NACC1: variants seen among roughly 807,000 people sequenced by gnomAD.
The protein encoded by NACC1 is nucleus accumbens-associated protein 1.
A neutral mutation model predicts 41.7 loss-of-function variants in NACC1; 6 were observed. The observed-to-expected ratio is 0.14, with a 90% confidence interval of 0.08 to 0.28. NACC1 has a LOEUF of 0.28. Among genes scored for constraint, NACC1 ranks in the 10% least tolerant of loss-of-function variants. The probability of loss-of-function intolerance (pLI) is 1.00; values close to 1 mark genes in which losing one functional copy is unlikely to be tolerated. For missense variants in NACC1, 434 were observed against 763.7 expected (o/e 0.57, Z 5.09); for synonymous variants, 338 against 330.6 (o/e 1.02, Z -0.24).
intron 1 of NACC1, among the ~76,000 whole-genome samples, chr19:13,120,525 T>C (rs1404917572): frequency 6.6e-6 from 1 of 152,198 alleles, no homozygotes; most frequent in African/African-American, 2.4e-5. Context: ...CTCCCTATAG[T>C]TCCCAGGACA....
At chr19:13,117,696 A>C (rs533005471), upstream of NACC1, 26 of 152,000 alleles carry the variant, frequency 1.7e-4, no homozygotes, top group African/African-American at 6.0e-4. Context: ...TGGGATTACA[A>C]GCGCATGCCA....
intron 1 of NACC1, among the ~76,000 whole-genome samples, chr19:13,129,522 C>T (rs1007647162): frequency 2.6e-5 from 4 of 152,210 alleles, no homozygotes; most frequent in African/African-American, 4.8e-5. Flanking sequence ...CAGCTCACCC[C>T]TGTCCACTCT....
chr19:13,127,898 G>A (rs10406576), intron 1 of NACC1, among the ~76,000 whole-genome samples: 1 of 152,094 alleles, frequency 6.6e-6, no homozygotes, highest in African/African-American at 2.4e-5. Flanking sequence ...AGAGTATGAA[G>A]AGCTATGGCT....
intron 1 of NACC1, chr19:13,131,909 G>C (rs2019638210): frequency 6.6e-6 from 1 of 152,204 alleles, no homozygotes; most frequent in African/African-American, 2.4e-5. Flanking sequence ...GCCCAGGCTA[G>C]AGTGCAATGG....
rs930007970 is a variant in NACC1, at chr19:13,137,634, TC to T, written c.1324+62del. 7.0e-7 allele frequency: 1 copy of T among 1,432,454 alleles called. No individual in the cohort carries two copies. The allele number at this position is 1,432,454 out of a possible 1,614,324, so 88.7% of individuals were successfully genotyped here. On this transcript the variant is annotated intron_variant, in intron 5 of 5. Transcript: ENST00000292431. This position sits in a 1 kb window ranked among gnomAD's most constrained non-coding sequence, Gnocchi z 6.1. ...CCGGGGCACGCAGGTTGACGTTTTTTCCCAGCCTTGGCTCTCAGAGAGGGCT... is the reference window on the plus strand; with the variant it reads ...CCGGGGCACGCAGGTTGACGTTTTTTCCAGCCTTGGCTCTCAGAGAGGGCT...
chr19:13,127,000 C>G (rs990652821), intron 1 of NACC1, among the ~76,000 whole-genome samples: 1 of 151,860 alleles, frequency 6.6e-6, no homozygotes, highest in Admixed American at 6.6e-5. Context: ...TTTGGGAGGC[C>G]AAGGCAGGAG....
chr19:13,133,334 C>A (rs921194257), intron 1 of NACC1, among the ~76,000 whole-genome samples: 19 of 151,264 alleles, frequency 1.3e-4, no homozygotes, highest in African/African-American at 3.6e-4. Flanking sequence ...CCAGCCTGGG[C>A]GACAGAGTGA....
intron 1 of NACC1, among the ~76,000 whole-genome samples, chr19:13,125,284 A>G (rs747722061): frequency 1.3e-5 from 2 of 152,198 alleles, no homozygotes; most frequent in African/African-American, 2.4e-5. Context: ...CCCATCTCTC[A>G]TAGATAGCAC....
At position 13,136,270 on chromosome 19, in the gene NACC1, G is replaced by A; in HGVS notation, c.985G>A (p.Glu329Lys). The change falls in exon 3 of 6, where the codon GAG becomes AAG. Residue 329 changes from glutamate to lysine, a missense_variant. Glu to Lys is a moderately conservative substitution (Grantham distance 56). Coordinates refer to ENST00000292431, the MANE Select transcript of NACC1 (RefSeq NM_052876.4). This position sits in a 1 kb window ranked among gnomAD's most constrained non-coding sequence, Gnocchi z 5.5. ...GGCCCTCCCGGAGCAGGTAGCCCCC[G>A]AGTCCCGAAATCGCATCCGGGTTCG... ...VEALPEQVAP[E>K]SRNRIRVRQD... 1 of 1,613,988 alleles carries A rather than the reference G, an allele frequency of 6.2e-7. No homozygotes were observed. The highest frequency in any genetic ancestry group is 8.5e-7 in the Non-Finnish European group (1 of 1,179,932).
At chr19:13,128,225 A>T (rs1347683030) in intron 1 of NACC1, among the ~76,000 whole-genome samples, 2 of 152,178 alleles carry the variant, frequency 1.3e-5, no homozygotes, top group African/African-American at 4.8e-5. Flanking sequence ...CAGTGAATAG[A>T]TGGTGCTTCA....
chr19:13,130,190 CCTGAGCCTCCCAA>C (rs2019616697), intron 1 of NACC1, among the ~76,000 whole-genome samples: 2 of 152,140 alleles, frequency 1.3e-5, no homozygotes, highest in Admixed American at 6.6e-5. Flanking sequence ...GATCCTCCCA[CCTGAGCCTCCCAA>C]GTAGCTGGGA....
rs977299406 is a variant in NACC1 at position 13,136,527 on chromosome 19, T to G, written c.1120+122T>G. On this transcript the variant is annotated intron_variant, in intron 3 of 5. Coordinates refer to ENST00000292431, the MANE Select transcript of NACC1 (RefSeq NM_052876.4). The surrounding 1 kb of genome is among the most constrained non-coding windows in gnomAD (Gnocchi z 5.5). Reference sequence around the variant, plus strand: ...AGTTTCCCTATCTGTGCTGTAGTGTTGGTAACAGCCACCCTAAGGGTGGGG... The same window carrying G: ...AGTTTCCCTATCTGTGCTGTAGTGTGGGTAACAGCCACCCTAAGGGTGGGG... 30 of 1,172,310 alleles carry G rather than the reference T, an allele frequency of 2.6e-5. No homozygotes were observed. The highest frequency in any genetic ancestry group is 3.2e-5 in the Non-Finnish European group (27 of 854,706). The allele number at this position is 1,172,310 out of a possible 1,614,324, so 72.6% of individuals were successfully genotyped here.
In NACC1 at chr19:13,135,887, T is replaced by C. The variant is rs2019697806; in HGVS notation, c.680T>C (p.Val227Ala). The change falls in exon 2 of 6, where the codon GTG becomes GCG. Residue 227 changes from valine to alanine, a missense_variant. Transcript: ENST00000292431. ...CCCCCGCCACCCCAACAGGCTCCGG[T>C]GGTGGCAGCAGCCCAGCCCGCCGTG... ...HQPPPPQQAP[V>A]VAAAQPAVAA... 6.4e-7 allele frequency: 1 copy of C among 1,558,878 alleles called. No homozygotes were observed. Among genetic ancestry groups the C allele is most frequent in the East Asian group, 2.4e-5 (1 of 42,014 alleles).
In NACC1 at chr19:13,137,172, GC is replaced by G; in HGVS notation, c.1121-98del. 1 of 1,167,480 alleles carries G rather than the reference GC, an allele frequency of 8.6e-7. No homozygotes were observed. Among genetic ancestry groups the G allele is most frequent in the Non-Finnish European group, 1.3e-6 (1 of 793,144 alleles). 72.3% of individuals were successfully genotyped at this position (1,167,480 alleles called of 1,614,324 possible). A position where few individuals can be genotyped will look rare whatever the true frequency, so the allele number is the denominator to read the frequency against. ...GAGTTTTCTTGGGACCCAGAGCCCA[GC>G]AGGGAGGGCCTGGGGTGTTCTGAGA... On this transcript the variant is annotated intron_variant, in intron 3 of 5. Transcript: ENST00000292431. This position sits in a 1 kb window ranked among gnomAD's most constrained non-coding sequence, Gnocchi z 6.1.
rs376873488 is a variant in NACC1 at position 13,137,086 on chromosome 19, C to T, written c.1121-185C>T. Among the ~76,000 whole-genome samples, 185 of 152,272 alleles carry T rather than the reference C, an allele frequency of 1.2e-3. 2 individuals are homozygous for T. Among genetic ancestry groups the T allele is most frequent in the African/African-American group, 4.3e-3 (179 of 41,580 alleles). ...GAGCACTGATGAGGTTGGGGGAGCC[C>T]CAAGGAGCCTCCCCTGACTGCCCTT... On this transcript the variant is annotated intron_variant, in intron 3 of 5. Coordinates refer to ENST00000292431, the MANE Select transcript of NACC1 (RefSeq NM_052876.4). The surrounding 1 kb of genome is among the most constrained non-coding windows in gnomAD (Gnocchi z 6.1).
At chr19:13,135,099 AG>A in intron 1 of NACC1, 100 bp from the exon 2 acceptor site, 1 of 1,440,980 alleles carries the variant, frequency 6.9e-7, no homozygotes, top group Non-Finnish European at 9.1e-7. Context: ...TCCCTCCAGC[AG>A]GGGAGGTCTT....
At position 13,138,577 on chromosome 19, in the gene NACC1, C is replaced by A. The variant is rs768130136; in HGVS notation, c.*171C>A. On this transcript the variant is annotated 3_prime_UTR_variant, in exon 6 of 6. Coordinates refer to ENST00000292431, the MANE Select transcript of NACC1 (RefSeq NM_052876.4). The surrounding 1 kb of genome is among the most constrained non-coding windows in gnomAD (Gnocchi z 5.7). ...CCCCTTTCCCCACCGAGAGCTGGGC[C>A]GGGAGAGGACCGCAGGGCAGGTGGC... The A allele has an allele frequency of 1.2e-4, 121 of 997,864 alleles. No individual in the cohort carries two copies. Among genetic ancestry groups the A allele is most frequent in the Non-Finnish European group, 1.7e-4 (119 of 694,340 alleles). The allele number at this position is 997,864 out of a possible 1,614,324, so 61.8% of individuals were successfully genotyped here. A position where few individuals can be genotyped will look rare whatever the true frequency, so the allele number is the denominator to read the frequency against.
At chr19:13,128,316 A>G (rs2019590609) in intron 1 of NACC1, among the ~76,000 whole-genome samples, 1 of 152,208 alleles carries the variant, frequency 6.6e-6, no homozygotes, top group African/African-American at 2.4e-5. Context: ...TTTATATTTC[A>G]GAGTGCTGGG....
chr19:13,118,797 G>C (rs1251129865), intron 1 of NACC1, among the ~76,000 whole-genome samples: 1 of 148,876 alleles, frequency 6.7e-6, no homozygotes, highest in African/African-American at 2.5e-5. Context: ...TGCCGGAGGG[G>C]GAGGGGGAGG....
Sources: allele counts gnomAD v4.1 joint callset (sites outside exome capture counted in the v4.1 genomes callset), GRCh38; gene constraint gnomAD v4.1.1; non-coding constraint Gnocchi (gnomAD v3.1); transcripts MANE v1.5; gene names NCBI Gene and HGNC (gene_info 2026-07-23, HGNC 2026-07-21).